The following EPB41L3 variants were observed in gnomAD, a reference collection of about 807,000 sequenced individuals.
The protein encoded by EPB41L3 is band 4.1-like protein 3.
Under a neutral mutation model 127.1 loss-of-function variants are expected in EPB41L3, and 57 were observed. The observed-to-expected ratio is 0.45, with a 90% CI of 0.36 to 0.56. The LOEUF is 0.56. Ranked by LOEUF, EPB41L3 falls within the 20% of genes least tolerant of loss-of-function variation. EPB41L3 has a pLI of 0.00. For missense variants in EPB41L3, 1,273 were observed against 1,372.2 expected (o/e 0.93, Z 1.14); for synonymous variants, 572 against 549.5 (o/e 1.04, Z -0.57).
At chr18:5,394,564 C>T in intron 22 of EPB41L3, 113 bp downstream of exon 22, 1 of 758,258 alleles carries the variant, frequency 1.3e-6, no homozygotes, top group South Asian at 1.9e-5. Context: ...ACCAGCCCAA[C>T]AAATGCCAGT....
chr18:5,533,939 C>T (rs573782571), intron 1 of EPB41L3, among the ~76,000 whole-genome samples: 1 of 152,134 alleles, frequency 6.6e-6, no homozygotes, highest in Admixed American at 6.5e-5. Flanking sequence ...CTGAGATGGG[C>T]AGATCGCAAA....
At chr18:5,630,386 C>T (rs1310171878), upstream of EPB41L3, 4 of 518,694 alleles carry the variant, frequency 7.7e-6, no homozygotes, top group South Asian at 5.6e-5. Context: ...CCTGAGTCAC[C>T]GAAGCCTTCC....
rs147128090 is a variant in EPB41L3 at position 5,591,718 on chromosome 18, G to A, written c.-306+20622C>T. 5.5e-3 allele frequency among the ~76,000 whole-genome samples: 840 copies of A among 152,324 alleles called. 5 individuals are homozygous for A. Among genetic ancestry groups the A allele is most frequent in the Non-Finnish European group, 8.6e-3 (588 of 68,040 alleles). On this transcript the variant is annotated intron_variant, in intron 3 of 21. Transcript: ENST00000545076. Reference sequence around the variant, plus strand: ...GTCATTTTTCTTTTGTAAAACATATGAGAATCTCACTTTATTCCGACCCCT... The same window carrying A: ...GTCATTTTTCTTTTGTAAAACATATAAGAATCTCACTTTATTCCGACCCCT...
At chr18:5,468,937 AC>A (rs1243526799) in intron 3 of EPB41L3, among the ~76,000 whole-genome samples, 18 of 146,432 alleles carry the variant, frequency 1.2e-4, no homozygotes, top group African/African-American at 4.9e-4. Flanking sequence ...CAAAAAACAA[AC>A]AAACAAACAA....
intron 12 of EPB41L3, among the ~76,000 whole-genome samples, chr18:5,417,641 A>T (rs1880021): frequency 0.68 from 103,293 of 152,068 alleles, 37,447 homozygotes; most frequent in East Asian, 0.88. Context: ...AGAAGTGGTA[A>T]ATATAGCGAC....
At chr18:5,574,784 G>A (rs959867393) in intron 3 of EPB41L3, among the ~76,000 whole-genome samples, 5 of 152,110 alleles carry the variant, frequency 3.3e-5, no homozygotes, top group African/African-American at 9.7e-5. Flanking sequence ...GAGGACCTTG[G>A]CAGCTTGTGC....
At chr18:5,446,864 C>T (rs1043137232) in intron 3 of EPB41L3, among the ~76,000 whole-genome samples, 8 of 152,264 alleles carry the variant, frequency 5.3e-5, no homozygotes, top group Middle Eastern at 3.4e-3. Flanking sequence ...GACAATGAAG[C>T]GCCTGCTTGC....
intron 3 of EPB41L3, among the ~76,000 whole-genome samples, chr18:5,555,610 T>G (rs1361924554): frequency 6.6e-6 from 1 of 152,130 alleles, no homozygotes; most frequent in Admixed American, 6.5e-5. Flanking sequence ...TCTTGTCAGA[T>G]CTATTACCAA....
intron 1 of EPB41L3, among the ~76,000 whole-genome samples, chr18:5,490,770 GA>G (rs1256481258): frequency 6.6e-6 from 1 of 152,206 alleles, no homozygotes; most frequent in Non-Finnish European, 1.5e-5. Flanking sequence ...AACAGTAGAG[GA>G]GGAGGAAAGG....
intron 1 of EPB41L3, among the ~76,000 whole-genome samples, chr18:5,503,719 T>A (rs2091932721): frequency 6.6e-6 from 1 of 152,232 alleles, no homozygotes; most frequent in Non-Finnish European, 1.5e-5. Context: ...AATTCGTGCA[T>A]ATTTTGATTA....
Position 5,405,421 on chromosome 18 carries a change from A to T in EPB41L3, c.2349+1356T>A, listed in dbSNP as rs538956300. ...TTTGTTGAAACAGAGATAAAGCAAC[A>T]TGATGTCTAACAGTAGACAGTCAAG... On this transcript the variant is annotated intron_variant, in intron 16 of 22. Transcript: ENST00000341928. Among the ~76,000 whole-genome samples, 10 of 152,346 alleles carry T rather than the reference A, an allele frequency of 6.6e-5. No homozygotes were observed. In the South Asian group the frequency reaches 2.1e-3, roughly 32 times the overall value.
chr18:5,434,285 T>TG (rs1157574802), intron 6 of EPB41L3, among the ~76,000 whole-genome samples, 164 bp from the exon 7 acceptor site: 1 of 152,178 alleles, frequency 6.6e-6, no homozygotes, highest in African/African-American at 2.4e-5. Context: ...CATACATACT[T>TG]GTTCTAGATA....
At chr18:5,472,293 T>C (rs1011832874) in intron 3 of EPB41L3, among the ~76,000 whole-genome samples, 2 of 152,176 alleles carry the variant, frequency 1.3e-5, no homozygotes, top group Non-Finnish European at 2.9e-5. Flanking sequence ...GTTCCTATGG[T>C]TGCACCAAAG....
At chr18:5,622,538 G>T (rs1176745722) in intron 1 of EPB41L3, among the ~76,000 whole-genome samples, 3 of 152,066 alleles carry the variant, frequency 2.0e-5, no homozygotes, top group Non-Finnish European at 4.4e-5. Context: ...ATTTTATATT[G>T]TATCACCATG....
chr18:5,597,956 C>G lies in EPB41L3; in HGVS notation c.-306+14384G>C, dbSNP rs2094552884. 2.6e-5 allele frequency among the ~76,000 whole-genome samples: 4 copies of G among 152,214 alleles called. 1 individual carries two copies. In the South Asian group the frequency reaches 8.3e-4, roughly 32 times the overall value. ...TCCACCACGTGTTTGAGTGCTCTCT[C>G]TGTCCCAGATCCTGCATGCACAATG... On this transcript the variant is annotated intron_variant, in intron 3 of 21. Coordinates refer to the EPB41L3 transcript ENST00000545076.
chr18:5,415,461 T>TATATGTA (rs1341166707), intron 13 of EPB41L3, among the ~76,000 whole-genome samples: 1 of 152,242 alleles, frequency 6.6e-6, no homozygotes, highest in Non-Finnish European at 1.5e-5. Flanking sequence ...TCATCTGTCT[T>TATATGTA]ATATGTGATT....
At chr18:5,519,386 G>A (rs2092894888) in intron 1 of EPB41L3, among the ~76,000 whole-genome samples, 1 of 152,172 alleles carries the variant, frequency 6.6e-6, no homozygotes, top group Non-Finnish European at 1.5e-5. Context: ...TTACTCCCCA[G>A]TCTATCCGGA....
chr18:5,467,238 A>T (rs187188296), intron 3 of EPB41L3, among the ~76,000 whole-genome samples: 1 of 152,144 alleles, frequency 6.6e-6, no homozygotes, highest in Non-Finnish European at 1.5e-5. Flanking sequence ...TCCTCTTCTC[A>T]CTCAAAATGC....
intron 3 of EPB41L3, among the ~76,000 whole-genome samples, chr18:5,588,402 C>T (rs760935169): frequency 1.4e-3 from 210 of 151,806 alleles, no homozygotes; most frequent in Non-Finnish European, 2.6e-3. Flanking sequence ...ACTAAAACAA[C>T]GTTTTAATAC....
Sources: gnomAD v4.1 joint callset for allele counts (sites outside exome capture counted in the v4.1 genomes callset) on GRCh38, gnomAD v4.1.1 for gene constraint, MANE v1.5 for transcripts, NCBI Gene and HGNC (gene_info 2026-07-23, HGNC 2026-07-21) for gene names.